Variants in LGR6 observed in about 807,000 individuals in gnomAD.
LGR6 encodes leucine rich repeat containing G protein-coupled receptor 6, also known as leucine-rich repeat-containing G protein-coupled receptor 6.
A neutral mutation model predicts 69.4 loss-of-function variants in LGR6; 45 were observed. The ratio of observed to expected loss-of-function variants is 0.65; its 90% CI spans 0.51 to 0.83. The LOEUF (loss-of-function observed/expected upper bound fraction) is 0.83, where lower values mean the gene tolerates loss of function less well. LGR6 is among the 40% of genes least tolerant of loss of function. LGR6 has a pLI of 0.00. For synonymous variants in LGR6, 538 were observed against 555.0 expected, an observed-to-expected ratio of 0.97 and a Z score of 0.43; for missense variants, 1,108 against 1,246.7, an observed-to-expected ratio of 0.89 and a Z score of 1.68.
intron 1 of LGR6, chr1:202,203,925 AG>A (rs1422738720): frequency 7.5e-7 from 1 of 1,337,396 alleles, no homozygotes; most frequent in African/African-American, 1.4e-5. Flanking sequence ...TTTAGCACAG[AG>A]GGGGTGCGAT....
chr1:202,295,870 A>AGT (rs10522809), intron 6 of LGR6, among the ~76,000 whole-genome samples: 8,164 of 143,838 alleles, frequency 0.057, 240 homozygotes, highest in African/African-American at 0.071. Context: ...TTGGGTAATT[A>AGT]GTGTGTGTGT....
chr1:202,215,245 G>A (rs867619716), intron 1 of LGR6, among the ~76,000 whole-genome samples: 2 of 152,068 alleles, frequency 1.3e-5, no homozygotes, highest in Middle Eastern at 3.2e-3. Context: ...AACAAACAAG[G>A]CTCAGAGATG....
intron 4 of LGR6, among the ~76,000 whole-genome samples, chr1:202,274,264 C>T (rs962338938): frequency 6.6e-6 from 1 of 152,148 alleles, no homozygotes; most frequent in Non-Finnish European, 1.5e-5. Context: ...ATTTATTGCC[C>T]ATTTATTTAA....
intron 3 of LGR6, among the ~76,000 whole-genome samples, chr1:202,228,884 G>A (rs944392581): frequency 6.6e-6 from 1 of 152,140 alleles, no homozygotes; most frequent in South Asian, 2.1e-4. Flanking sequence ...TCCCTAAAGT[G>A]GTGAGTCATT....
In LGR6 at chr1:202,318,869, G is replaced by T. The variant is rs745696363; in HGVS notation, c.2566G>T (p.Ala856Ser). The T allele has an allele frequency of 1.2e-6, 2 of 1,613,870 alleles. No individual in the cohort carries two copies. The highest frequency in any genetic ancestry group is 1.1e-5 in the South Asian group (1 of 91,038). The change falls in exon 18 of 18, where the codon GCC becomes TCC. Residue 856 changes from alanine to serine, a missense_variant. Ala to Ser is a moderately conservative substitution (Grantham distance 99). Coordinates refer to ENST00000367278, the MANE Select transcript of LGR6 (RefSeq NM_001017403.2). ...GDSGPLAYAA[A>S]GELEKSSCDS... ...CTCAGGGCCCCTAGCCTATGCTGCG[G>T]CCGGGGAGCTGGAGAAGAGCTCCTG... is the stretch of plus-strand genomic sequence containing the variant.
At chr1:202,285,677 A>G (rs1666339777) in intron 6 of LGR6, among the ~76,000 whole-genome samples, 1 of 152,166 alleles carries the variant, frequency 6.6e-6, no homozygotes, top group African/African-American at 2.4e-5. Context: ...GTTACCCAGA[A>G]GTGTCATTTC....
intron 1 of LGR6, among the ~76,000 whole-genome samples, chr1:202,194,846 G>A (rs1399102516): frequency 6.6e-6 from 1 of 152,206 alleles, no homozygotes; most frequent in African/African-American, 2.4e-5. Context: ...TGTCCCAAGA[G>A]GCTGTGTTGG....
At chr1:202,204,489 CCACACACACACCTCCAAA>C (rs1304505526) in intron 1 of LGR6, among the ~76,000 whole-genome samples, 11 of 12,116 alleles carry the variant, frequency 9.1e-4, no homozygotes, top group African/African-American at 1.2e-3. Flanking sequence ...AAACACACCT[CCACACACACACCTCCAAA>C]CACACACACA....
intron 6 of LGR6, among the ~76,000 whole-genome samples, chr1:202,285,857 T>A (rs1461821107): frequency 6.6e-6 from 1 of 152,186 alleles, no homozygotes; most frequent in Admixed American, 6.5e-5. Flanking sequence ...AGGTCAGAAG[T>A]CCAAAATCAA....
At chr1:202,212,741 C>T (rs1418391572) in intron 1 of LGR6, among the ~76,000 whole-genome samples, 2 of 152,174 alleles carry the variant, frequency 1.3e-5, no homozygotes, top group East Asian at 1.9e-4. Flanking sequence ...CTGCAAAGGC[C>T]GTTTTTTCAA....
At chr1:202,293,242 G>A (rs954703184) in intron 6 of LGR6, among the ~76,000 whole-genome samples, 18 of 152,082 alleles carry the variant, frequency 1.2e-4, no homozygotes, top group African/African-American at 4.1e-4. Flanking sequence ...CCAACCAAGC[G>A]ATATTGCTTG....
In LGR6 at chr1:202,214,988, T is replaced by TGGGG. The variant is rs200103538; in HGVS notation, c.213-10432_213-10431insGGGG. Among the ~76,000 whole-genome samples, 458 of 125,350 alleles carry TGGGG rather than the reference T, an allele frequency of 3.7e-3. 3 individuals are homozygous for TGGGG. Among genetic ancestry groups the TGGGG allele is most frequent in the African/African-American group, 0.012 (428 of 34,932 alleles). 82.2% of individuals were successfully genotyped at this position (125,350 alleles called of 152,430 possible). Reference sequence around the variant, plus strand: ...GGGGTAAATGGTGTTTGGGTGCACCTGGGTGTGTGTGTGTGTGTGTGTGTG... The same window carrying TGGGG: ...GGGGTAAATGGTGTTTGGGTGCACCTGGGGGGGTGTGTGTGTGTGTGTGTGTGTG... On this transcript the variant is annotated intron_variant, in intron 1 of 17. Transcript: ENST00000367278.
At chr1:202,261,362 C>T (rs1302527493) in intron 4 of LGR6, among the ~76,000 whole-genome samples, 1 of 151,002 alleles carries the variant, frequency 6.6e-6, no homozygotes, top group Non-Finnish European at 1.5e-5. Flanking sequence ...TGATAGTTTA[C>T]TGAGAATGAT....
intron 15 of LGR6, among the ~76,000 whole-genome samples, chr1:202,309,951 A>G (rs916096305): frequency 1.3e-5 from 2 of 152,208 alleles, no homozygotes; most frequent in African/African-American, 4.8e-5. Flanking sequence ...TTCTTTCCCC[A>G]TCTCACTTGC....
At chr1:202,225,935 G>A (rs143736693) in intron 2 of LGR6, among the ~76,000 whole-genome samples, 20 of 152,240 alleles carry the variant, frequency 1.3e-4, no homozygotes, top group African/African-American at 4.3e-4. Context: ...CTAACTGACA[G>A]ATGCCCTCCT....
intron 4 of LGR6, among the ~76,000 whole-genome samples, chr1:202,267,911 A>G (rs1664795336): frequency 6.6e-6 from 1 of 152,156 alleles, no homozygotes; most frequent in Non-Finnish European, 1.5e-5. Flanking sequence ...TACCATCTGT[A>G]ATGAGAGGCA....
At chr1:202,197,184 T>A (rs1287594912) in intron 1 of LGR6, 4 of 490,208 alleles carry the variant, frequency 8.2e-6, no homozygotes, top group Non-Finnish European at 1.7e-5. Context: ...CTTCCCCCAC[T>A]CCACGGCTGT....
At chr1:202,232,888 C>T (rs1352921867) in intron 3 of LGR6, among the ~76,000 whole-genome samples, 1 of 152,202 alleles carries the variant, frequency 6.6e-6, no homozygotes, top group African/African-American at 2.4e-5. Flanking sequence ...TGAGCCTTCA[C>T]CTCCTCATCT....
chr1:202,318,353 G>T lies in LGR6; in HGVS notation c.2050G>T (p.Gly684Cys). ...GGCCTATGGGAAGTCCCCCTCCCTG[G>T]GCAGCGTTCGAGCAGGGGTCCTAGG... The part of the protein sequence containing the change: ...VRAYGKSPSL[G>C]SVRAGVLGCL... Residue 684 changes from glycine (G) to cysteine (C), a missense_variant, in exon 18 of 18, where the codon GGC (glycine) becomes TGC (cysteine). By Grantham distance (159) the Gly-to-Cys change is radical. Transcript: ENST00000367278. 1 of 1,598,876 alleles carries T rather than the reference G, an allele frequency of 6.3e-7. No individual in the cohort carries two copies. Among genetic ancestry groups the T allele is most frequent in the South Asian group, 1.1e-5 (1 of 88,056 alleles).
Sources: allele counts gnomAD v4.1 joint callset (sites outside exome capture counted in the v4.1 genomes callset), GRCh38; gene constraint gnomAD v4.1.1; transcripts MANE v1.5; gene names NCBI Gene and HGNC (gene_info 2026-07-23, HGNC 2026-07-21).